DNAH6: variants seen among roughly 807,000 people sequenced by gnomAD.
DNAH6 encodes axonemal beta dynein heavy chain 6.
DNAH6 carries 340 observed loss-of-function variants against 491.4 expected under a neutral mutation model. The ratio of observed to expected loss-of-function variants is 0.69; its 90% CI spans 0.63 to 0.76. The LOEUF (loss-of-function observed/expected upper bound fraction) is 0.76, where lower values mean the gene tolerates loss of function less well. DNAH6 is among the 30% of genes least tolerant of loss of function. DNAH6 has a pLI of 0.00. For missense variants in DNAH6, 4,443 were observed against 4,972.2 expected (o/e 0.89, Z 3.20); for synonymous variants, 1,603 against 1,686.1 (o/e 0.95, Z 1.21).
chr2:84,641,766 G>A (rs575287723), intron 32 of DNAH6, among the ~76,000 whole-genome samples, 181 bp from the exon 33 acceptor site: 8 of 152,294 alleles, frequency 5.3e-5, no homozygotes, highest in Non-Finnish European at 1.0e-4. Context: ...AGGCTGCATA[G>A]CCATTGCAGG....
chr2:84,709,763 G>GAT (rs1290418022), intron 55 of DNAH6, among the ~76,000 whole-genome samples: 1 of 152,160 alleles, frequency 6.6e-6, no homozygotes, highest in Non-Finnish European at 1.5e-5. Flanking sequence ...TCCCGTACTT[G>GAT]ATTTTGATTG....
At chr2:84,724,102 T>TA (rs945168817) in intron 60 of DNAH6, among the ~76,000 whole-genome samples, 1 of 152,210 alleles carries the variant, frequency 6.6e-6, no homozygotes, top group Non-Finnish European at 1.5e-5. Context: ...CAGAGCAGTT[T>TA]AACTTACTCT....
At chr2:84,617,026 C>G in intron 23 of DNAH6, 44 bp downstream of exon 23, 2 of 1,076,862 alleles carry the variant, frequency 1.9e-6, no homozygotes, top group Non-Finnish European at 2.6e-6. Flanking sequence ...GTAGTTATGA[C>G]TGTCAATCAA....
chr2:84,476,469 C>T, the DNAH6 span, among the ~76,000 whole-genome samples: 3 of 152,188 alleles, frequency 2.0e-5, no homozygotes, highest in African/African-American at 4.8e-5. Context: ...TTGGAACCGA[C>T]GGGCTAGTAA....
intron 4 of DNAH6, among the ~76,000 whole-genome samples, chr2:84,535,982 T>C (rs779143064): frequency 1.1e-4 from 16 of 152,030 alleles, no homozygotes; most frequent in Non-Finnish European, 2.2e-4. Context: ...TTTACTCTGA[T>C]AGCACTGGTA....
chr2:84,686,437 T>C, intron 43 of DNAH6, 47 bp from the exon 44 acceptor site: 1 of 1,078,732 alleles, frequency 9.3e-7, no homozygotes. Flanking sequence ...AAATATTCCA[T>C]TCAAGATTAT....
chr2:84,638,464 A>G (rs1336488568), intron 31 of DNAH6, among the ~76,000 whole-genome samples: 1 of 152,060 alleles, frequency 6.6e-6, no homozygotes, highest in African/African-American at 2.4e-5. Flanking sequence ...TTAGGACTCC[A>G]GAAGACCCCT....
chr2:84,528,503 A>G (rs1676817480), intron 3 of DNAH6, among the ~76,000 whole-genome samples: 1 of 152,178 alleles, frequency 6.6e-6, no homozygotes, highest in Non-Finnish European at 1.5e-5. Flanking sequence ...CTCACTGAAG[A>G]GCATCAAGGT....
intron 11 of DNAH6, among the ~76,000 whole-genome samples, chr2:84,560,477 A>G (rs1254803547): frequency 6.7e-6 from 1 of 149,048 alleles, no homozygotes; most frequent in Non-Finnish European, 1.5e-5. Flanking sequence ...TTATTATTAT[A>G]CTTTAAGTTT....
intron 33 of DNAH6, among the ~76,000 whole-genome samples, chr2:84,647,680 C>T (rs1447184741): frequency 6.6e-6 from 1 of 151,770 alleles, no homozygotes; most frequent in Admixed American, 6.6e-5. Context: ...CCCATTTGCC[C>T]CAAGAGTACT....
intron 29 of DNAH6, among the ~76,000 whole-genome samples, chr2:84,630,107 T>C (rs1396238285): frequency 6.6e-6 from 1 of 152,206 alleles, no homozygotes; most frequent in East Asian, 1.9e-4. Flanking sequence ...GCCTTTTCTG[T>C]GGACTGTTTT....
At chr2:84,603,862 C>T (rs532912966) in intron 18 of DNAH6, among the ~76,000 whole-genome samples, 3 of 152,228 alleles carry the variant, frequency 2.0e-5, no homozygotes, top group South Asian at 2.1e-4. Flanking sequence ...CTATAATGGA[C>T]GCTGTTTCCC....
At chr2:84,515,746 A>G (rs1371857495), upstream of DNAH6, among the ~76,000 whole-genome samples, 6 of 152,208 alleles carry the variant, frequency 3.9e-5, no homozygotes, top group African/African-American at 1.4e-4. Context: ...AGGCATCCCG[A>G]GTAAGCAACA....
chr2:84,573,643 G>GT (rs1161291404), intron 12 of DNAH6, 56 bp downstream of exon 12: 2 of 1,445,450 alleles, frequency 1.4e-6, no homozygotes, highest in Admixed American at 5.5e-5. Flanking sequence ...GAGATTTGTT[G>GT]TTTTTTAGGA....
chr2:84,741,487 G>A (rs376358560), intron 62 of DNAH6, among the ~76,000 whole-genome samples: 16 of 152,214 alleles, frequency 1.1e-4, no homozygotes, highest in African/African-American at 3.4e-4. Flanking sequence ...ACAAAGCATG[G>A]AGCTCAGCCC....
chr2:84,718,918 C>T (rs902330176), intron 59 of DNAH6, among the ~76,000 whole-genome samples: 1 of 152,198 alleles, frequency 6.6e-6, no homozygotes, highest in South Asian at 2.1e-4. Context: ...TGGTTGCACA[C>T]AATTGGTACT....
At chr2:84,636,835 A>C (rs1015474746) in intron 30 of DNAH6, among the ~76,000 whole-genome samples, 2 of 152,048 alleles carry the variant, frequency 1.3e-5, no homozygotes, top group Non-Finnish European at 2.9e-5. Flanking sequence ...TCAAGGCTGC[A>C]GTGAGCTCTG....
chr2:84,736,547 A>G (rs1699555698), intron 62 of DNAH6, among the ~76,000 whole-genome samples: 1 of 151,692 alleles, frequency 6.6e-6, no homozygotes, highest in Non-Finnish European at 1.5e-5. Context: ...TCTTATAGAG[A>G]TTTTTCACTT....
intron 37 of DNAH6, among the ~76,000 whole-genome samples, chr2:84,663,100 A>G (rs1176014130): frequency 6.6e-6 from 1 of 152,218 alleles, no homozygotes; most frequent in Admixed American, 6.5e-5. Context: ...CACCATCATC[A>G]AAGACCAAAG....
Sources: gnomAD v4.1 joint callset for allele counts (sites outside exome capture counted in the v4.1 genomes callset) on GRCh38, gnomAD v4.1.1 for gene constraint, MANE v1.5 for transcripts, NCBI Gene and HGNC (gene_info 2026-07-23, HGNC 2026-07-21) for gene names.